CEP57L1: variants seen among roughly 807,000 people sequenced by gnomAD.
CEP57L1 encodes centrosomal protein CEP57L1.
Under a neutral mutation model 61.0 loss-of-function variants are expected in CEP57L1, and 37 were observed. That is an observed-to-expected ratio of 0.61 (90% CI 0.47 to 0.80). CEP57L1 has a LOEUF of 0.80. Ranked by LOEUF, CEP57L1 falls within the 30% of genes least tolerant of loss-of-function variation. The probability of loss-of-function intolerance (pLI) is 0.00; values close to 1 mark genes in which losing one functional copy is unlikely to be tolerated. For synonymous variants in CEP57L1, 137 were observed against 162.3 expected, an observed-to-expected ratio of 0.84 and a Z score of 1.19; for missense variants, 422 against 524.7, an observed-to-expected ratio of 0.80 and a Z score of 1.91.
At chr6:109,114,152 G>C (rs1331645292) in intron 1 of CEP57L1, among the ~76,000 whole-genome samples, 1 of 151,978 alleles carries the variant, frequency 6.6e-6, no homozygotes, top group East Asian at 1.9e-4. Flanking sequence ...CAAAATAACT[G>C]TGTCAATTTA....
chr6:109,100,672 CAAAAAAAAA>C (rs539993641), intron 1 of CEP57L1, among the ~76,000 whole-genome samples: 4 of 74,052 alleles, frequency 5.4e-5, no homozygotes, highest in Non-Finnish European at 1.0e-4. Context: ...GAGATTGTCT[CAAAAAAAAA>C]AAAAAAAAAA....
intron 1 of CEP57L1, among the ~76,000 whole-genome samples, chr6:109,127,109 T>C (rs934138060): frequency 2.6e-5 from 4 of 152,088 alleles, no homozygotes; most frequent in African/African-American, 9.7e-5. Context: ...GAGGTTGCAG[T>C]GAGCCGAGAT....
At position 109,167,333 on chromosome 6, in the gene CEP57L1, T is replaced by A. The variant is rs1192598091; in HGVS notation, c.*4363T>A. Among the ~76,000 whole-genome samples, 1 of 152,176 alleles carries A rather than the reference T, an allele frequency of 6.6e-6. No homozygotes were observed. The highest frequency in any genetic ancestry group is 2.4e-5 in the African/African-American group (1 of 41,434). ...TTTACTTAAAGAATTAGGTGAATTTTTTTTTTCCTGGTAGGTTTATTGGGA... is the reference window on the plus strand; with the variant it reads ...TTTACTTAAAGAATTAGGTGAATTTATTTTTTCCTGGTAGGTTTATTGGGA... On this transcript the variant is annotated 3_prime_UTR_variant, in exon 11 of 11. Coordinates refer to ENST00000517392, the MANE Select transcript of CEP57L1 (RefSeq NM_001271852.3).
chr6:109,172,686 T>A lies in CEP57L1; in HGVS notation c.*9716T>A, dbSNP rs1774459091. The stretch of plus-strand genomic sequence containing the variant: ...TGCCTCCAAATTTCCTCCTAAAGCA[T>A]GGAATTGGCCATAAATTTGCTTAGT... On this transcript the variant is annotated 3_prime_UTR_variant, in exon 11 of 11. Coordinates refer to ENST00000517392, the MANE Select transcript of CEP57L1 (RefSeq NM_001271852.3). Among the ~76,000 whole-genome samples, 1 of 152,236 alleles carries A rather than the reference T, an allele frequency of 6.6e-6. No homozygotes were observed. The highest frequency in any genetic ancestry group is 6.5e-5 in the Admixed American group (1 of 15,280).
intron 1 of CEP57L1, among the ~76,000 whole-genome samples, chr6:109,117,248 G>A (rs575811319): frequency 5.3e-5 from 8 of 152,112 alleles, no homozygotes; most frequent in Non-Finnish European, 1.2e-4. Flanking sequence ...GAAGTTGTAG[G>A]CAATATTCAG....
intron 1 of CEP57L1, among the ~76,000 whole-genome samples, chr6:109,108,660 G>C (rs1224469371): frequency 6.6e-6 from 1 of 151,976 alleles, no homozygotes; most frequent in East Asian, 1.9e-4. Flanking sequence ...TCTATTTCTT[G>C]TTCCAAAATA....
chr6:109,111,639 GTA>G (rs1258483555), intron 1 of CEP57L1, among the ~76,000 whole-genome samples: 2 of 152,124 alleles, frequency 1.3e-5, no homozygotes, highest in Non-Finnish European at 2.9e-5. Flanking sequence ...TGCCCATTCA[GTA>G]TGATATTGGC....
rs1178319226 is a variant in CEP57L1, at chr6:109,164,264, A to G, written c.*1294A>G. Among the ~76,000 whole-genome samples, 2 of 152,190 alleles carry G rather than the reference A, an allele frequency of 1.3e-5. No individual in the cohort carries two copies. The highest frequency in any genetic ancestry group is 6.5e-5 in the Admixed American group (1 of 15,282). On this transcript the variant is annotated 3_prime_UTR_variant, in exon 11 of 11. Coordinates refer to ENST00000517392, the MANE Select transcript of CEP57L1 (RefSeq NM_001271852.3). ...AATTCCCAAGAAGCTTGTGTAGGAAAAAGTTGGTAATTATGGATCTTTTGG... is the reference window on the plus strand; with the variant it reads ...AATTCCCAAGAAGCTTGTGTAGGAAGAAGTTGGTAATTATGGATCTTTTGG...
At chr6:109,121,852 T>C (rs1180823599) in intron 1 of CEP57L1, among the ~76,000 whole-genome samples, 1 of 152,190 alleles carries the variant, frequency 6.6e-6, no homozygotes, top group South Asian at 2.1e-4. Context: ...TGTCTTTGTT[T>C]TATAGTTATT....
In CEP57L1 at chr6:109,164,761, G is replaced by A. The variant is rs984903270; in HGVS notation, c.*1791G>A. ...ATTAATAATTCATTACTTGTGAAAA[G>A]GTATTGCTTTAAAAATTATCATTAA... On this transcript the variant is annotated 3_prime_UTR_variant, in exon 11 of 11. Coordinates refer to ENST00000517392, the MANE Select transcript of CEP57L1 (RefSeq NM_001271852.3). Among the ~76,000 whole-genome samples, 2 of 151,978 alleles carry A rather than the reference G, an allele frequency of 1.3e-5. No homozygotes were observed. Among genetic ancestry groups the A allele is most frequent in the East Asian group, 1.9e-4 (1 of 5,190 alleles).
At chr6:109,139,481 T>TC (rs1228348821) in intron 1 of CEP57L1, among the ~76,000 whole-genome samples, 4 of 151,696 alleles carry the variant, frequency 2.6e-5, no homozygotes, top group African/African-American at 9.7e-5. Context: ...TTTTTCTTTT[T>TC]TCTTTTTTTT....
At chr6:109,113,170 T>G (rs897748783) in intron 1 of CEP57L1, among the ~76,000 whole-genome samples, 5 of 152,162 alleles carry the variant, frequency 3.3e-5, no homozygotes, top group African/African-American at 7.2e-5. Flanking sequence ...CTCTAAGAAC[T>G]TGCTTTATGA....
chr6:109,120,910 A>G (rs1391663061), intron 1 of CEP57L1, among the ~76,000 whole-genome samples: 3 of 87,632 alleles, frequency 3.4e-5, no homozygotes, highest in Admixed American at 1.3e-4. Context: ...ACTTAGACAC[A>G]CGCACACACA....
chr6:109,104,335 T>G (rs1460554959), intron 1 of CEP57L1, among the ~76,000 whole-genome samples: 1 of 152,176 alleles, frequency 6.6e-6, no homozygotes, highest in Admixed American at 6.5e-5. Context: ...TTTTTTCTGT[T>G]GCAATCAGTG....
At chr6:109,107,307 G>A (rs1327079835) in intron 1 of CEP57L1, among the ~76,000 whole-genome samples, 1 of 151,906 alleles carries the variant, frequency 6.6e-6, no homozygotes, top group Non-Finnish European at 1.5e-5. Flanking sequence ...TTTTGAGCTT[G>A]GCTATATATT....
intron 1 of CEP57L1, among the ~76,000 whole-genome samples, chr6:109,114,198 T>C (rs1323307597): frequency 2.0e-5 from 3 of 152,182 alleles, no homozygotes; most frequent in Admixed American, 6.6e-5. Flanking sequence ...TTTCTTTTTC[T>C]CCACATCCTT....
chr6:109,097,387 A>C (rs1039558850), intron 1 of CEP57L1, among the ~76,000 whole-genome samples: 1 of 152,206 alleles, frequency 6.6e-6, no homozygotes, highest in African/African-American at 2.4e-5. Context: ...AAAACTATTC[A>C]GTGGTGTCCT....
Position 109,116,163 on chromosome 6 carries a change from TGTTATGTTATGTTATGTTATGTTAC to T in CEP57L1, c.-4+20589_-4+20613del, listed in dbSNP as rs1772275027. 2.0e-5 allele frequency among the ~76,000 whole-genome samples: 3 copies of T among 151,548 alleles called. No homozygotes were observed. The South Asian group carries it at 6.2e-4, about 31-fold the overall frequency. Reference sequence around the variant, plus strand: ...TGTTATGTTATGTTATGTTATGTTATGTTATGTTATGTTATGTTATGTTACTTTTTTGAGACAGAGTTTCATTCTT... The same window carrying T: ...TGTTATGTTATGTTATGTTATGTTATTTTTTTGAGACAGAGTTTCATTCTT... On this transcript the variant is annotated intron_variant, in intron 1 of 10. Coordinates refer to ENST00000517392, the MANE Select transcript of CEP57L1 (RefSeq NM_001271852.3).
At chr6:109,151,787 T>A (rs541421658) in intron 4 of CEP57L1, among the ~76,000 whole-genome samples, 1 of 152,190 alleles carries the variant, frequency 6.6e-6, no homozygotes, top group African/African-American at 2.4e-5. Flanking sequence ...GAATTCTAGG[T>A]GACATCTTTT....
Sources: gnomAD v4.1 joint callset for allele counts (sites outside exome capture counted in the v4.1 genomes callset) on GRCh38, gnomAD v4.1.1 for gene constraint, MANE v1.5 for transcripts, NCBI Gene and HGNC (gene_info 2026-07-23, HGNC 2026-07-21) for gene names.